EDA: variants seen among roughly 807,000 people sequenced by gnomAD.
The protein encoded by EDA is ectodysplasin A.
A neutral mutation model predicts 23.6 loss-of-function variants in EDA; 2 were observed. The observed-to-expected ratio is 0.08, with a 90% confidence interval of 0.03 to 0.27. The LOEUF (loss-of-function observed/expected upper bound fraction) is 0.27, where lower values mean the gene tolerates loss of function less well. Ranked by LOEUF, EDA falls within the 10% of genes least tolerant of loss-of-function variation. The pLI, the probability that EDA is intolerant of heterozygous loss-of-function variation, is 1.00. For synonymous variants in EDA, 131 were observed against 132.0 expected (o/e 0.99, Z 0.05); for missense variants, 229 against 324.2 (o/e 0.71, Z 2.26).
chrX:69,653,085 A>G (rs1933158391), intron 1 of EDA, among the ~76,000 whole-genome samples: 2 of 111,904 alleles, frequency 1.8e-5, no homozygotes, highest in Admixed American at 9.5e-5. Context: ...CCATTTTCAC[A>G]ATATTGATTC....
intron 1 of EDA, among the ~76,000 whole-genome samples, chrX:69,826,066 G>T (rs936295650): frequency 7.3e-5 from 8 of 109,735 alleles, no homozygotes; most frequent in Non-Finnish European, 1.5e-4. Flanking sequence ...CTGAGAGATA[G>T]TTTGTTATAA....
intron 1 of EDA, among the ~76,000 whole-genome samples, chrX:69,864,094 T>C (rs2017445793): frequency 9.0e-6 from 1 of 111,538 alleles, no homozygotes; most frequent in African/African-American, 3.3e-5. Flanking sequence ...TTTAAAATGT[T>C]TGTTTTATAG....
intron 1 of EDA, among the ~76,000 whole-genome samples, chrX:69,734,509 A>G (rs1269490937): frequency 2.7e-5 from 3 of 111,083 alleles, no homozygotes; most frequent in Admixed American, 1.9e-4. Flanking sequence ...TAGTGTTTTC[A>G]GTAGGGAGGT....
At chrX:69,832,760 T>G (rs771507960) in intron 1 of EDA, among the ~76,000 whole-genome samples, 1 of 111,602 alleles carries the variant, frequency 9.0e-6, no homozygotes, top group East Asian at 2.8e-4. Flanking sequence ...TTCACATCCC[T>G]TGTAAGTTGG....
chrX:69,723,023 C>T (rs745613687), intron 1 of EDA, among the ~76,000 whole-genome samples: 9 of 112,053 alleles, frequency 8.0e-5, no homozygotes, highest in African/African-American at 2.3e-4. Flanking sequence ...TTATCTTTTT[C>T]TCCATCTTTA....
intron 1 of EDA, among the ~76,000 whole-genome samples, chrX:69,933,998 A>G (rs1317859308): frequency 8.9e-6 from 1 of 112,438 alleles, no homozygotes; most frequent in Admixed American, 9.4e-5. Flanking sequence ...TCCCTTAACT[A>G]TTAATGTTTT....
intron 1 of EDA, among the ~76,000 whole-genome samples, chrX:69,700,009 C>T (rs758500926): frequency 9.0e-5 from 10 of 110,579 alleles, no homozygotes; most frequent in African/African-American, 2.3e-4. Context: ...GATATGCGGT[C>T]GGTTGTGAGC....
intron 1 of EDA, among the ~76,000 whole-genome samples, chrX:69,655,762 C>CTATAATATATATATATATATATATA (rs1933292420): frequency 1.9e-5 from 1 of 52,503 alleles, no homozygotes; most frequent in Non-Finnish European, 3.0e-5. Flanking sequence ...TCATTAGAAT[C>CTATAATATATATATATATATATATA]TATATATATA....
intron 1 of EDA, among the ~76,000 whole-genome samples, chrX:69,782,959 A>T (rs997780074): frequency 2.7e-5 from 3 of 112,054 alleles, no homozygotes; most frequent in African/African-American, 9.7e-5. Context: ...CCACGTCAAC[A>T]AACTATTTTC....
rs3138864 is a variant in EDA, at chrX:69,658,212, TTGTGTGTGTGTGTGTGTG to T, written c.396+41530_396+41547del. Among the ~76,000 whole-genome samples, 12 of 90,904 alleles carry T rather than the reference TTGTGTGTGTGTGTGTGTG, an allele frequency of 1.3e-4. No homozygotes were observed. The East Asian group carries it at 3.4e-3, about 26-fold the overall frequency. 78.9% of individuals were successfully genotyped at this position (90,904 alleles called of 115,157 possible). A position where few individuals can be genotyped will look rare whatever the true frequency, so the allele number is the denominator to read the frequency against. On this transcript the variant is annotated intron_variant, in intron 1 of 7. Coordinates refer to ENST00000374552, the MANE Select transcript of EDA (RefSeq NM_001399.5). Reference sequence around the variant, plus strand: ...CTTGGTTAGCTGTACTCCTAGGTATTTGTGTGTGTGTGTGTGTGTGTGTGTGTGTGTGTGTGTGTATTG... The same window carrying T: ...CTTGGTTAGCTGTACTCCTAGGTATTTGTGTGTGTGTGTGTGTGTGTATTG...
At chrX:69,790,749 T>C (rs1469527311) in intron 1 of EDA, among the ~76,000 whole-genome samples, 7 of 111,429 alleles carry the variant, frequency 6.3e-5, no homozygotes, top group Admixed American at 4.8e-4. Flanking sequence ...CTCTACACTA[T>C]CATATTTAAA....
At chrX:69,980,842 G>A (rs2019394736) in intron 2 of EDA, among the ~76,000 whole-genome samples, 1 of 112,162 alleles carries the variant, frequency 8.9e-6, no homozygotes, top group Non-Finnish European at 1.9e-5. Flanking sequence ...AGAGTTACAG[G>A]TGGTGTGGAA....
chrX:70,021,906 T>A (rs2020038842), intron 2 of EDA, among the ~76,000 whole-genome samples: 1 of 112,112 alleles, frequency 8.9e-6, no homozygotes, highest in Non-Finnish European at 1.9e-5. Flanking sequence ...TAGTTAGAGA[T>A]CATTCCACGT....
At chrX:69,686,941 A>G (rs1310233633) in intron 1 of EDA, among the ~76,000 whole-genome samples, 2 of 111,705 alleles carry the variant, frequency 1.8e-5, no homozygotes, top group Admixed American at 9.5e-5. Context: ...GTATATACCT[A>G]CAAGTGGAAT....
chrX:69,935,297 G>A (rs2018655693), intron 1 of EDA, among the ~76,000 whole-genome samples: 1 of 111,207 alleles, frequency 9.0e-6, no homozygotes, highest in South Asian at 3.8e-4. Flanking sequence ...TTTCTTTTGG[G>A]TATATACCTA....
chrX:69,836,759 A>G lies in EDA; in HGVS notation c.397-120268A>G, dbSNP rs953963253. 3.6e-5 allele frequency among the ~76,000 whole-genome samples: 4 copies of G among 111,941 alleles called. No homozygotes were observed. The Admixed American group carries it at 3.8e-4, about 11-fold the overall frequency. The stretch of plus-strand genomic sequence containing the variant: ...CTGCACCCACTGTCCATCCAGTCTC[A>G]ATGAGTTGAACCAGGTACCTCAGCT... On this transcript the variant is annotated intron_variant, in intron 1 of 7. Transcript: ENST00000374552.
chrX:69,946,927 G>A (rs1259607483), intron 1 of EDA, among the ~76,000 whole-genome samples: 1 of 112,121 alleles, frequency 8.9e-6, no homozygotes, highest in Non-Finnish European at 1.9e-5. Context: ...GCTTCATAAA[G>A]GTAAACTGCA....
intron 1 of EDA, among the ~76,000 whole-genome samples, chrX:69,950,576 C>A (rs1475090952): frequency 7.4e-4 from 33 of 44,603 alleles, no homozygotes; most frequent in Non-Finnish European, 1.1e-3. Context: ...TTTGACCCAG[C>A]CATCCCATTA....
chrX:69,828,128 C>G lies in EDA; in HGVS notation c.397-128899C>G, dbSNP rs772593610. Among the ~76,000 whole-genome samples, 7 of 111,035 alleles carry G rather than the reference C, an allele frequency of 6.3e-5. No homozygotes were observed. The South Asian group carries it at 2.7e-3, about 43-fold the overall frequency. On this transcript the variant is annotated intron_variant, in intron 1 of 7. Coordinates refer to ENST00000374552, the MANE Select transcript of EDA (RefSeq NM_001399.5). Reference sequence around the variant, plus strand: ...AGCTGTCAGACAGGGACATTTAAGTCTGCAGAAGTTACTGCTGTCTTTTTG... The same window carrying G: ...AGCTGTCAGACAGGGACATTTAAGTGTGCAGAAGTTACTGCTGTCTTTTTG...
Sources: gnomAD v4.1 joint callset for allele counts (sites outside exome capture counted in the v4.1 genomes callset) on GRCh38, gnomAD v4.1.1 for gene constraint, MANE v1.5 for transcripts, NCBI Gene and HGNC (gene_info 2026-07-23, HGNC 2026-07-21) for gene names.